PNPLA1: variants seen among roughly 807,000 people sequenced by gnomAD.
PNPLA1 encodes patatin like domain 1, omega-hydroxyceramide transacylase.
Under a neutral mutation model 51.7 loss-of-function variants are expected in PNPLA1, and 36 were observed. The ratio of observed to expected loss-of-function variants is 0.70; its 90% confidence interval spans 0.53 to 0.92. PNPLA1 has a LOEUF of 0.92. PNPLA1 is among the 40% of genes least tolerant of loss of function. The pLI is 0.00. For missense variants in PNPLA1, 658 were observed against 682.5 expected (o/e 0.96, Z 0.40); for synonymous variants, 293 against 280.1 (o/e 1.05, Z -0.46).
At chr6:36,281,892 G>C (rs186428574) in intron 1 of PNPLA1, among the ~76,000 whole-genome samples, 77 of 151,800 alleles carry the variant, frequency 5.1e-4, no homozygotes, top group Admixed American at 1.2e-3. Context: ...ATGGTGGTAG[G>C]CATCTGTAAT....
Position 36,313,361 on chromosome 6 carries a change from G to T in PNPLA1, c.*1475G>T, listed in dbSNP as rs1771447242. 6.6e-6 allele frequency among the ~76,000 whole-genome samples: 1 copy of T among 152,112 alleles called. No homozygotes were observed. The highest frequency in any genetic ancestry group is 2.1e-4 in the South Asian group (1 of 4,820). On this transcript the variant is annotated 3_prime_UTR_variant, in exon 9 of 9. Transcript: ENST00000636260. ...AGGTCCCGCCAGGCCCAGCAAGGAA[G>T]CCCCAGCTGCCCACAGGCCTCAGGT...
intron 5 of PNPLA1, 152 bp from the exon 6 acceptor site, chr6:36,301,709 C>G: frequency 9.0e-7 from 1 of 1,106,670 alleles, no homozygotes; most frequent in East Asian, 2.4e-5. Context: ...GAAACCATCA[C>G]GTTTGTTTTC....
chr6:36,253,408 T>C (rs553879807), intron 1 of PNPLA1, among the ~76,000 whole-genome samples: 1 of 152,306 alleles, frequency 6.6e-6, no homozygotes, highest in East Asian at 1.9e-4. Context: ...TAGAATATAT[T>C]TCCACAAATG....
intron 1 of PNPLA1, among the ~76,000 whole-genome samples, chr6:36,259,229 T>A (rs960205007): frequency 6.6e-6 from 1 of 152,176 alleles, no homozygotes; most frequent in Admixed American, 6.5e-5. Flanking sequence ...AAAGGGTCTT[T>A]CCTTGGAACC....
At chr6:36,293,453 TGAG>T (rs1770753779) in intron 3 of PNPLA1, among the ~76,000 whole-genome samples, 1 of 152,044 alleles carries the variant, frequency 6.6e-6, no homozygotes. Context: ...ACTCAAATGA[TGAG>T]GATGTTTTCT....
Position 36,289,611 on chromosome 6 carries a change from C to CG in PNPLA1, c.206-1708dup, listed in dbSNP as rs1332635546. 9.3e-5 allele frequency among the ~76,000 whole-genome samples: 9 copies of CG among 96,994 alleles called. No individual in the cohort carries two copies. The South Asian group carries it at 1.2e-3, about 13-fold the overall frequency. The allele number at this position is 96,994 out of a possible 152,430, so 63.6% of individuals were successfully genotyped here. On this transcript the variant is annotated intron_variant, in intron 1 of 8. Coordinates refer to ENST00000636260, the MANE Select transcript of PNPLA1 (RefSeq NM_001374623.1). ...ATATGCAGGTGTGATTCTGAAGGTT[C>CG]GAAAAAAAAAAAGGCTGTCACCATG...
chr6:36,309,771 A>G (rs756789144), intron 8 of PNPLA1, among the ~76,000 whole-genome samples: 5 of 152,174 alleles, frequency 3.3e-5, no homozygotes, highest in Admixed American at 1.3e-4. Context: ...CAATTTACCA[A>G]TCGATGGTCT....
chr6:36,287,542 G>A (rs2127340927), intron 1 of PNPLA1, among the ~76,000 whole-genome samples: 1 of 152,310 alleles, frequency 6.6e-6, no homozygotes, highest in South Asian at 2.1e-4. Flanking sequence ...TTAAATGGGA[G>A]AAGGTGCTGG....
intron 5 of PNPLA1, among the ~76,000 whole-genome samples, chr6:36,300,178 T>TGTGTGTGTGAGAGAGAGAGAGAGAGAGA: frequency 9.0e-4 from 88 of 98,110 alleles, no homozygotes; most frequent in Admixed American, 1.3e-3. Flanking sequence ...TGTGTGTGTG[T>TGTGTGTGTGAGAGAGAGAGAGAGAGAGA]GAGAGAGAGA....
chr6:36,283,869 C>T (rs1023382377), intron 1 of PNPLA1, among the ~76,000 whole-genome samples: 1 of 152,196 alleles, frequency 6.6e-6, no homozygotes, highest in Admixed American at 6.5e-5. Flanking sequence ...ATCTGTACGG[C>T]AGGATAGGCC....
intron 1 of PNPLA1, among the ~76,000 whole-genome samples, chr6:36,244,447 C>T (rs867269132): frequency 1.3e-5 from 2 of 152,000 alleles, no homozygotes; most frequent in South Asian, 2.1e-4. Context: ...TAGTCTTTCC[C>T]TGTCAGTTCA....
rs1771277525 is a variant in PNPLA1, at chr6:36,307,567, T to C, written c.1470-20T>C. 6.2e-7 allele frequency: 1 copy of C among 1,611,608 alleles called. No individual in the cohort carries two copies. The highest frequency in any genetic ancestry group is 1.1e-5 in the South Asian group (1 of 90,834). ...GAGGTCAGGCCCATAATGAACCATC[T>C]ACTTAATCTCTTTGCCTAGGGAGAG... is the stretch of plus-strand genomic sequence containing the variant. On this transcript the variant is annotated intron_variant, in intron 7 of 8. Coordinates refer to ENST00000636260, the MANE Select transcript of PNPLA1 (RefSeq NM_001374623.1).
At chr6:36,299,526 G>A (rs1460412587) in intron 5 of PNPLA1, among the ~76,000 whole-genome samples, 1 of 151,988 alleles carries the variant, frequency 6.6e-6, no homozygotes, top group Non-Finnish European at 1.5e-5. Context: ...AGTAGAGACG[G>A]GGTTTCGCCA....
chr6:36,291,662 A>G, intron 2 of PNPLA1, 110 bp downstream of exon 2: 5 of 903,920 alleles, frequency 5.5e-6, no homozygotes, highest in Non-Finnish European at 8.4e-6. Context: ...TCACTTCCCT[A>G]GTCCTTCCCT....
intron 1 of PNPLA1, among the ~76,000 whole-genome samples, chr6:36,263,189 A>G (rs557601845): frequency 6.6e-6 from 1 of 152,372 alleles, no homozygotes; most frequent in Non-Finnish European, 1.5e-5. Flanking sequence ...ACAATTTATT[A>G]CATTAAAATT....
chr6:36,294,141 G>A lies in PNPLA1; in HGVS notation c.505-49G>A, dbSNP rs773856100. On this transcript the variant is annotated intron_variant, in intron 3 of 8. Coordinates refer to ENST00000636260, the MANE Select transcript of PNPLA1 (RefSeq NM_001374623.1). The surrounding 1 kb of genome is among the most constrained non-coding windows in gnomAD (Gnocchi z 4.2). ...GGCCATTTCGATGTACCCCGAGTGGGGCTGAGAACTCTGGCCCCAAGTGGG... is the reference window on the plus strand; with the variant it reads ...GGCCATTTCGATGTACCCCGAGTGGAGCTGAGAACTCTGGCCCCAAGTGGG... 48 of 1,604,892 alleles carry A rather than the reference G, an allele frequency of 3.0e-5. No individual in the cohort carries two copies. Among genetic ancestry groups the A allele is most frequent in the Admixed American group, 1.7e-4 (10 of 59,548 alleles).
At chr6:36,300,178 TGA>T (rs71548136) in intron 5 of PNPLA1, among the ~76,000 whole-genome samples, 1,083 of 98,020 alleles carry the variant, frequency 0.011, 18 homozygotes, top group South Asian at 0.088. Flanking sequence ...TGTGTGTGTG[TGA>T]GAGAGAGAGA....
chr6:36,248,734 G>T (rs575256847), intron 1 of PNPLA1, among the ~76,000 whole-genome samples: 9 of 152,264 alleles, frequency 5.9e-5, no homozygotes, highest in Admixed American at 2.6e-4. Context: ...GGCCAGGCTG[G>T]TCTTGAACTC....
chr6:36,312,498 G>C lies in PNPLA1; in HGVS notation c.*612G>C, dbSNP rs1222843348. Among the ~76,000 whole-genome samples, 1 of 152,184 alleles carries C rather than the reference G, an allele frequency of 6.6e-6. No homozygotes were observed. The highest frequency in any genetic ancestry group is 1.5e-5 in the Non-Finnish European group (1 of 68,036). ...AGGGTTGCCCAAGGTGTATGAACCT[G>C]TAAGGGTGATCCCCGGTGGAACTAA... On this transcript the variant is annotated 3_prime_UTR_variant, in exon 9 of 9. Transcript: ENST00000636260.
Sources: gnomAD v4.1 joint callset for allele counts (sites outside exome capture counted in the v4.1 genomes callset) on GRCh38, gnomAD v4.1.1 for gene constraint, Gnocchi (gnomAD v3.1) non-coding constraint, MANE v1.5 for transcripts, NCBI Gene and HGNC (gene_info 2026-07-23, HGNC 2026-07-21) for gene names.